EIF3K: variants seen among roughly 807,000 people sequenced by gnomAD.
The protein encoded by EIF3K is eukaryotic translation initiation factor 3 subunit K.
EIF3K carries 27 observed loss-of-function variants against 34.2 expected under a neutral mutation model. The observed-to-expected ratio is 0.79, with a 90% confidence interval of 0.58 to 1.09. The LOEUF (loss-of-function observed/expected upper bound fraction) is 1.09, where lower values mean the gene tolerates loss of function less well. Ranked by LOEUF, EIF3K falls within the 50% of genes least tolerant of loss-of-function variation. The pLI is 0.00. For missense variants in EIF3K, 232 were observed against 275.4 expected, an observed-to-expected ratio of 0.84 and a Z score of 1.11; for synonymous variants, 105 against 105.7, an observed-to-expected ratio of 0.99 and a Z score of 0.04.
Position 38,632,474 on chromosome 19 carries a change from C to T in EIF3K, c.399C>T (p.Gly133=). ...ENMDLLEGIT[G]FEDSVRKFIC... ...TGGACCTCTTGGAAGGTATAACTGG[C>T]TTTGAAGACTCTGTCCGAAAGTGTA... Residue 133 remains glycine (G), a synonymous_variant, in exon 5 of 8, where the codon GGC becomes GGT. Transcript: ENST00000248342. 2 of 1,614,186 alleles carry T rather than the reference C, an allele frequency of 1.2e-6. No individual in the cohort carries two copies. Among genetic ancestry groups the T allele is most frequent in the African/African-American group, 2.7e-5 (2 of 75,056 alleles).
At chr19:38,629,501 G>T (rs982620730) in intron 4 of EIF3K, among the ~76,000 whole-genome samples, 3 of 152,136 alleles carry the variant, frequency 2.0e-5, no homozygotes, top group Admixed American at 6.6e-5. Context: ...TCGCCATGTT[G>T]ACCAGGCTGG....
At chr19:38,620,095 G>A (rs1975807222) in intron 1 of EIF3K, among the ~76,000 whole-genome samples, 1 of 152,180 alleles carries the variant, frequency 6.6e-6, no homozygotes, top group Admixed American at 6.5e-5. Flanking sequence ...GGTTGAGGAG[G>A]CATCCTAGGG....
rs2232995 is a variant in EIF3K at position 38,619,222 on chromosome 19, G to T, written c.-47G>T. ...TTCCCGTCCTTGAGGACGCCGTGCCGGGTCAGTGTTAGCCTCCAGCCCTGG... is the reference window on the plus strand; with the variant it reads ...TTCCCGTCCTTGAGGACGCCGTGCCTGGTCAGTGTTAGCCTCCAGCCCTGG... On this transcript the variant is annotated 5_prime_UTR_variant, in exon 1 of 8. Transcript: ENST00000248342. The T allele has an allele frequency of 1.5e-4, 243 of 1,602,014 alleles. No individual in the cohort carries two copies. The African/African-American group carries it at 2.9e-3, about 19-fold the overall frequency.
chr19:38,623,806 C>G (rs1379706828), intron 2 of EIF3K, among the ~76,000 whole-genome samples: 1 of 152,226 alleles, frequency 6.6e-6, no homozygotes, highest in Non-Finnish European at 1.5e-5. Flanking sequence ...AGCCACTACT[C>G]CAGACCACTG....
At chr19:38,632,517 G>A (rs1387808066) in intron 5 of EIF3K, 21 bp downstream of exon 5, 6 of 1,613,738 alleles carry the variant, frequency 3.7e-6, no homozygotes, top group Non-Finnish European at 4.2e-6. Context: ...CTCTGAGGCT[G>A]GGCTCCCCAA....
At chr19:38,631,475 C>T (rs543208179) in intron 4 of EIF3K, among the ~76,000 whole-genome samples, 1 of 152,286 alleles carries the variant, frequency 6.6e-6, no homozygotes, top group Non-Finnish European at 1.5e-5. Flanking sequence ...CATCTCAATG[C>T]CTTGAAGAGC....
At chr19:38,629,540 C>T (rs983230939) in intron 4 of EIF3K, among the ~76,000 whole-genome samples, 2 of 152,210 alleles carry the variant, frequency 1.3e-5, no homozygotes, top group Non-Finnish European at 2.9e-5. Flanking sequence ...AAGTGATCCT[C>T]CTGCCTCGCC....
intron 4 of EIF3K, 30 bp downstream of exon 4, chr19:38,626,132 A>G (rs1457375016): frequency 7.5e-6 from 12 of 1,603,362 alleles, no homozygotes; most frequent in Non-Finnish European, 1.0e-5. Flanking sequence ...GGGGCAGGGG[A>G]GATGGCAGGG....
chr19:38,631,829 C>T (rs554892837), intron 4 of EIF3K, among the ~76,000 whole-genome samples: 42 of 152,214 alleles, frequency 2.8e-4, no homozygotes, highest in Non-Finnish European at 4.4e-4. Context: ...TCCCTGGGTA[C>T]TTGAGATTAG....
chr19:38,632,178 G>T (rs889709127), intron 4 of EIF3K: 6 of 450,998 alleles, frequency 1.3e-5, no homozygotes, highest in African/African-American at 7.9e-5. Context: ...CGCTTTGAGA[G>T]GCCAGCGTGG....
intron 4 of EIF3K, among the ~76,000 whole-genome samples, chr19:38,629,022 C>T (rs1976005923): frequency 2.0e-5 from 3 of 152,094 alleles, no homozygotes; most frequent in Admixed American, 2.0e-4. Flanking sequence ...GTTCCTATCC[C>T]AGACCCTGAC....
In EIF3K at chr19:38,632,687, C is replaced by G; in HGVS notation, c.499+9C>G. The G allele has an allele frequency of 6.2e-7, 1 of 1,607,762 alleles. No homozygotes were observed. The highest frequency in any genetic ancestry group is 8.5e-7 in the Non-Finnish European group (1 of 1,176,580). On this transcript the variant is annotated intron_variant, in intron 6 of 7. Coordinates refer to ENST00000248342, the MANE Select transcript of EIF3K (RefSeq NM_013234.4). ...GCTCGGGGATCTGTCGGGTAACGCCCTCTGGGTCCTGGTGCACATCTGGGA... is the reference window on the plus strand; with the variant it reads ...GCTCGGGGATCTGTCGGGTAACGCCGTCTGGGTCCTGGTGCACATCTGGGA...
chr19:38,623,033 G>A (rs1190106953), intron 2 of EIF3K, among the ~76,000 whole-genome samples: 1 of 152,164 alleles, frequency 6.6e-6, no homozygotes, highest in Non-Finnish European at 1.5e-5. Flanking sequence ...AATTATTACA[G>A]GGTCCTGGAA....
Position 38,632,985 on chromosome 19 carries a change from G to A in EIF3K, c.499+307G>A, listed in dbSNP as rs1263451130. The A allele has an allele frequency of 2.3e-5, 8 of 342,184 alleles. No homozygotes were observed. In the East Asian group the frequency reaches 3.2e-4, roughly 13 times the overall value. The allele number at this position is 342,184 out of a possible 1,614,324, so 21.2% of individuals were successfully genotyped here. A position where few individuals can be genotyped will look rare whatever the true frequency, so the allele number is the denominator to read the frequency against. ...TCATGGAGGTAGCAAAGCACATGGC[G>A]ACATGGAGGTGTCCAGTGGTGATTC... On this transcript the variant is annotated intron_variant, in intron 6 of 7. Transcript: ENST00000248342.
At chr19:38,621,355 G>A (rs1464107718) in intron 2 of EIF3K, among the ~76,000 whole-genome samples, 1 of 152,172 alleles carries the variant, frequency 6.6e-6, no homozygotes, top group Non-Finnish European at 1.5e-5. Flanking sequence ...AGAGGTTGCA[G>A]TGAGCCAAGA....
At chr19:38,626,607 C>T (rs1195548789) in intron 4 of EIF3K, among the ~76,000 whole-genome samples, 1 of 152,216 alleles carries the variant, frequency 6.6e-6, no homozygotes, top group African/African-American at 2.4e-5. Context: ...CACTGCACTC[C>T]AGCCTGGGCA....
chr19:38,634,955 G>C, intron 6 of EIF3K, 38 bp from the exon 7 acceptor site: 1 of 1,613,234 alleles, frequency 6.2e-7, no homozygotes, highest in Non-Finnish European at 8.5e-7. Context: ...TGTGGGATCA[G>C]GCTGACTGAA....
intron 4 of EIF3K, among the ~76,000 whole-genome samples, chr19:38,628,928 G>A (rs2144773499): frequency 6.6e-6 from 1 of 151,960 alleles, no homozygotes; most frequent in South Asian, 2.1e-4. Context: ...TGCTTTATCT[G>A]TCTCCCTTTC....
chr19:38,619,448 T>G (rs1441979734), intron 1 of EIF3K, 121 bp downstream of exon 1: 1 of 1,099,604 alleles, frequency 9.1e-7, no homozygotes. Flanking sequence ...TCTATCCTCC[T>G]GGAGGAGGAG....
Sources: gnomAD v4.1 joint callset for allele counts (sites outside exome capture counted in the v4.1 genomes callset) on GRCh38, gnomAD v4.1.1 for gene constraint, MANE v1.5 for transcripts, NCBI Gene and HGNC (gene_info 2026-07-23, HGNC 2026-07-21) for gene names.